ATP8B4: variants seen among roughly 807,000 people sequenced by gnomAD.
ATP8B4 encodes the protein ATPase phospholipid transporting 8B4 (putative).
In ATP8B4, 133 loss-of-function variants were observed where a neutral mutation model predicts 145.6. That is an observed-to-expected ratio of 0.91 (90% CI 0.79 to 1.05). ATP8B4 has a LOEUF of 1.05. Ranked by LOEUF, ATP8B4 falls within the 50% of genes least tolerant of loss-of-function variation. ATP8B4 has a pLI of 0.00. For synonymous variants in ATP8B4, 507 were observed against 492.9 expected (o/e 1.03, Z -0.38); for missense variants, 1,458 against 1,425.2 (o/e 1.02, Z -0.37).
intron 14 of ATP8B4, among the ~76,000 whole-genome samples, chr15:49,941,762 C>T (rs928569316): frequency 9.9e-5 from 15 of 152,088 alleles, no homozygotes; most frequent in African/African-American, 3.4e-4. Context: ...AAGCACAATG[C>T]ACAATTGCAA....
Position 49,920,252 on chromosome 15 carries a change from A to G in ATP8B4, c.1917T>C (p.Asp639=), listed in dbSNP as rs1371088360. The part of the protein sequence containing the change: ...IAGLYEEIER[D]LMLLGATAVE... ...CATGCTTCTAAACTCATACCATCAA[A>G]TCTCTTTCAATTTCTTCATATAGCC... The change falls in exon 18 of 28, where the codon GAT becomes GAC. Residue 639 remains aspartate, a synonymous_variant. Transcript: ENST00000284509. 2 of 1,613,710 alleles carry G rather than the reference A, an allele frequency of 1.2e-6. No homozygotes were observed. The highest frequency in any genetic ancestry group is 2.7e-5 in the African/African-American group (2 of 74,882).
At chr15:49,937,141 T>A (rs2041807583) in intron 14 of ATP8B4, among the ~76,000 whole-genome samples, 1 of 152,188 alleles carries the variant, frequency 6.6e-6, no homozygotes, top group Non-Finnish European at 1.5e-5. Context: ...CTCACATTTA[T>A]CACAGAAATG....
chr15:50,067,328 T>C (rs532943313), intron 3 of ATP8B4, among the ~76,000 whole-genome samples: 3 of 152,220 alleles, frequency 2.0e-5, no homozygotes, highest in South Asian at 4.1e-4. Flanking sequence ...ATGTTTAAAC[T>C]CTCTTTTTAA....
intron 12 of ATP8B4, among the ~76,000 whole-genome samples, chr15:49,978,377 G>A (rs529787767): frequency 9.1e-4 from 139 of 152,234 alleles, no homozygotes; most frequent in South Asian, 1.7e-3. Flanking sequence ...CAGCTCCAGA[G>A]GGCCCGAAGC....
chr15:50,075,065 A>G (rs2054089870), intron 2 of ATP8B4, among the ~76,000 whole-genome samples: 1 of 152,142 alleles, frequency 6.6e-6, no homozygotes, highest in African/African-American at 2.4e-5. Context: ...TTAATCCCAT[A>G]ATTCTCCAAC....
intron 13 of ATP8B4, 121 bp downstream of exon 13, chr15:49,972,461 G>T: frequency 3.6e-6 from 3 of 838,318 alleles, no homozygotes; most frequent in Non-Finnish European, 5.5e-6. Flanking sequence ...AGATGCTGAC[G>T]GTGCCCATAT....
At chr15:50,126,189 T>C (rs569527244) in intron 1 of ATP8B4, among the ~76,000 whole-genome samples, 1 of 144,238 alleles carries the variant, frequency 6.9e-6, no homozygotes, top group African/African-American at 2.6e-5. Flanking sequence ...TCCTGAAAGA[T>C]GAGTAGATGA....
chr15:50,035,948 A>G (rs1165625361), intron 6 of ATP8B4, among the ~76,000 whole-genome samples: 1 of 152,104 alleles, frequency 6.6e-6, no homozygotes, highest in Non-Finnish European at 1.5e-5. Flanking sequence ...ACCCAATGTG[A>G]CACCCACCCC....
chr15:49,996,787 T>A (rs1175698458), intron 8 of ATP8B4, 28 bp from the exon 9 acceptor site: 1 of 1,578,502 alleles, frequency 6.3e-7, no homozygotes, highest in East Asian at 2.3e-5. Context: ...TGACATGAAT[T>A]TTTATATGGA....
intron 3 of ATP8B4, among the ~76,000 whole-genome samples, chr15:50,057,262 A>G (rs1168774879): frequency 6.6e-6 from 1 of 152,148 alleles, no homozygotes; most frequent in Non-Finnish European, 1.5e-5. Flanking sequence ...GCTGAACACT[A>G]TATCATCTCA....
chr15:50,009,207 T>C (rs1371100670), intron 7 of ATP8B4: 1 of 152,410 alleles, frequency 6.6e-6, no homozygotes, highest in Non-Finnish European at 1.5e-5. Context: ...TTAGGGCAGA[T>C]ACTGTTTACT....
intron 10 of ATP8B4, among the ~76,000 whole-genome samples, chr15:49,986,795 G>A (rs530682601): frequency 9.2e-5 from 14 of 152,286 alleles, no homozygotes; most frequent in Non-Finnish European, 1.8e-4. Flanking sequence ...GGGCCACCTC[G>A]GGCCTACAGA....
intron 26 of ATP8B4, 94 bp downstream of exon 26, chr15:49,866,252 A>T (rs2153378710): frequency 6.8e-7 from 1 of 1,469,144 alleles, no homozygotes; most frequent in Admixed American, 2.1e-5. Flanking sequence ...AGGATCACTA[A>T]TCATCCCCAG....
At chr15:50,003,276 G>A (rs1442474185) in intron 7 of ATP8B4, among the ~76,000 whole-genome samples, 3 of 120,076 alleles carry the variant, frequency 2.5e-5, no homozygotes, top group Admixed American at 1.5e-4. Context: ...GGGTGTGCAT[G>A]TGTGTGTGTG....
chr15:49,920,156 G>T, intron 18 of ATP8B4, 90 bp downstream of exon 18: 3 of 1,468,952 alleles, frequency 2.0e-6, no homozygotes, highest in South Asian at 2.6e-5. Flanking sequence ...TGTGCAAGAT[G>T]ACTTAGCCAA....
chr15:50,069,857 C>T (rs184926098), intron 3 of ATP8B4, among the ~76,000 whole-genome samples: 71 of 152,170 alleles, frequency 4.7e-4, no homozygotes, highest in African/African-American at 1.6e-3. Flanking sequence ...AAATGGAGCC[C>T]CATCTTCATC....
intron 1 of ATP8B4, among the ~76,000 whole-genome samples, chr15:50,150,318 T>C (rs745987538): frequency 2.0e-5 from 3 of 152,216 alleles, no homozygotes; most frequent in Non-Finnish European, 4.4e-5. Flanking sequence ...AGGCATTTCA[T>C]GAGAACTTTT....
At chr15:49,993,659 A>C (rs2047205970) in intron 9 of ATP8B4, among the ~76,000 whole-genome samples, 1 of 152,108 alleles carries the variant, frequency 6.6e-6, no homozygotes, top group Admixed American at 6.6e-5. Flanking sequence ...GTTTTCTTAG[A>C]AACAGGAAAT....
intron 1 of ATP8B4, among the ~76,000 whole-genome samples, chr15:50,153,109 G>GTAAGAGCA (rs1029590040): frequency 1.6e-4 from 24 of 152,258 alleles, no homozygotes; most frequent in African/African-American, 5.5e-4. Context: ...CTTGGAAAAA[G>GTAAGAGCA]TAAGAGCATG....
Sources: allele counts gnomAD v4.1 joint callset (sites outside exome capture counted in the v4.1 genomes callset), GRCh38; gene constraint gnomAD v4.1.1; transcripts MANE v1.5; gene names NCBI Gene and HGNC (gene_info 2026-07-23, HGNC 2026-07-21).